The following FOXRED1 variants were observed in gnomAD, a reference collection of about 807,000 sequenced individuals.
FOXRED1 encodes the protein FAD dependent oxidoreductase domain containing 1, also known as FAD-dependent oxidoreductase domain-containing protein 1.
FOXRED1 carries 52 observed loss-of-function variants against 57.8 expected under a neutral mutation model. That is an observed-to-expected ratio of 0.90 (90% confidence interval 0.72 to 1.13). The LOEUF (loss-of-function observed/expected upper bound fraction) is 1.13, where lower values mean the gene tolerates loss of function less well. Ranked by LOEUF, FOXRED1 falls within the 50% of genes most tolerant of loss-of-function variation. The pLI, the probability that FOXRED1 is intolerant of heterozygous loss-of-function variation, is 0.00. For synonymous variants in FOXRED1, 271 were observed against 248.3 expected, an observed-to-expected ratio of 1.09 and a Z score of -0.86; for missense variants, 589 against 625.2, an observed-to-expected ratio of 0.94 and a Z score of 0.62.
Position 126,272,018 on chromosome 11 carries a change from A to T in FOXRED1, c.306+361A>T, listed in dbSNP as rs1304294118. 2.2e-5 allele frequency: 7 copies of T among 322,172 alleles called. No individual in the cohort carries two copies. Among genetic ancestry groups the T allele is most frequent in the Admixed American group, 8.8e-5 (2 of 22,788 alleles). 20.0% of individuals were successfully genotyped at this position (322,172 alleles called of 1,614,324 possible). A position where few individuals can be genotyped will look rare whatever the true frequency, so the allele number is the denominator to read the frequency against. On this transcript the variant is annotated intron_variant, in intron 2 of 10. Transcript: ENST00000263578. This position sits in a 1 kb window ranked among gnomAD's most constrained non-coding sequence, Gnocchi z 4.6. ...GCTCTGTCACCCAGGCTGGAGTGCA[A>T]TGGCACAATCTCAGCTCACTGCAAC...
In FOXRED1 at chr11:126,277,621, G is replaced by A. The variant is rs371684127; in HGVS notation, c.1393G>A (p.Asp465Asn). The change falls in exon 11 of 11, where the codon GAC (aspartate) becomes AAC (asparagine). Residue 465 changes from aspartate to asparagine, a missense_variant. Coordinates refer to ENST00000263578, the MANE Select transcript of FOXRED1 (RefSeq NM_017547.4). This position sits in a 1 kb window ranked among gnomAD's most constrained non-coding sequence, Gnocchi z 6.8. Reference sequence around the variant, plus strand: ...ACTGAAGGGCAGGTTCCAGACCATCGACCTGAGCCCCTTCCTCTTTACCCG... The same window carrying A: ...ACTGAAGGGCAGGTTCCAGACCATCAACCTGAGCCCCTTCCTCTTTACCCG... ...MVLKGRFQTI[D>N]LSPFLFTRFY... 31 of 1,613,520 alleles carry A rather than the reference G, an allele frequency of 1.9e-5. No individual in the cohort carries two copies. In the East Asian group the frequency reaches 3.1e-4, roughly 16 times the overall value.
At chr11:126,269,367 G>A in intron 1 of FOXRED1, 76 bp downstream of exon 1, 1 of 1,611,528 alleles carries the variant, frequency 6.2e-7, no homozygotes. Context: ...TTCAGGACCC[G>A]AAACCATGGC....
Position 126,273,020 on chromosome 11 carries a change from T to C in FOXRED1, c.358T>C (p.Ser120Pro). ...AGTAGGTGGGATTTGTCAGCAGTTC[T>C]CATTGCCTGAGAACATCCAGCTCTC... ...LSVGGICQQF[S>P]LPENIQLSLF... Residue 120 changes from serine to proline, a missense_variant, in exon 3 of 11, where the codon TCA becomes CCA. By Grantham distance (74) the Ser-to-Pro change is moderately conservative (BLOSUM62 -1). Coordinates refer to ENST00000263578, the MANE Select transcript of FOXRED1 (RefSeq NM_017547.4). This position sits in a 1 kb window ranked among gnomAD's most constrained non-coding sequence, Gnocchi z 5.9. The C allele has an allele frequency of 6.2e-7, 1 of 1,609,850 alleles. No individual in the cohort carries two copies.
intron 9 of FOXRED1, 167 bp from the exon 10 acceptor site, chr11:126,276,904 C>A: frequency 1.6e-6 from 1 of 640,330 alleles, no homozygotes. Flanking sequence ...AAAGAATCAG[C>A]CTTTTTTGGG....
In FOXRED1 at chr11:126,274,938, C is replaced by T; in HGVS notation, c.548C>T (p.Ala183Val). 1.2e-6 allele frequency: 2 copies of T among 1,610,420 alleles called. No homozygotes were observed. The highest frequency in any genetic ancestry group is 8.5e-7 in the Non-Finnish European group (1 of 1,176,658). ...CACGTTTATCTCAGGCAGGAGGGAG[C>T]CAAAGTTTCTCTGATGTCTCCTGAT... is the stretch of plus-strand genomic sequence containing the variant. ...SNVKVQRQEG[A>V]KVSLMSPDQL... Residue 183 changes from alanine (A) to valine (V), a missense_variant, in exon 5 of 11, where the codon GCC becomes GTC. By Grantham distance (64) the Ala-to-Val change is moderately conservative (BLOSUM62 0). Coordinates refer to ENST00000263578, the MANE Select transcript of FOXRED1 (RefSeq NM_017547.4). The surrounding 1 kb of genome is among the most constrained non-coding windows in gnomAD (Gnocchi z 4.8).
intron 9 of FOXRED1, 92 bp from the exon 10 acceptor site, chr11:126,276,979 C>T (rs1401959329): frequency 1.2e-6 from 1 of 827,398 alleles, no homozygotes; most frequent in African/African-American, 1.7e-5. Context: ...CCATTTCTCC[C>T]CATCCCCTAC....
In FOXRED1 at chr11:126,275,542, A is replaced by C; in HGVS notation, c.733+114A>C. 1.2e-6 allele frequency: 1 copy of C among 818,722 alleles called. No homozygotes were observed. The highest frequency in any genetic ancestry group is 1.4e-5 in the South Asian group (1 of 71,384). 50.7% of individuals were successfully genotyped at this position (818,722 alleles called of 1,614,324 possible). ...GGGGGAAAGGGGTCTCCCTGAGAGC[A>C]GGTCCTAGGCATCTTGACCTGGGCT... On this transcript the variant is annotated intron_variant, in intron 6 of 10. Coordinates refer to ENST00000263578, the MANE Select transcript of FOXRED1 (RefSeq NM_017547.4). This position sits in a 1 kb window ranked among gnomAD's most constrained non-coding sequence, Gnocchi z 5.9.
In FOXRED1 at chr11:126,271,606, G is replaced by A. The variant is rs940463942; in HGVS notation, c.255G>A (p.Leu85=). 3.7e-6 allele frequency: 6 copies of A among 1,614,050 alleles called. No homozygotes were observed. In the African/African-American group the frequency reaches 6.7e-5, roughly 18 times the overall value. Residue 85 remains leucine (L), a synonymous_variant, in exon 2 of 11, where the codon CTG becomes CTA. Coordinates refer to ENST00000263578, the MANE Select transcript of FOXRED1 (RefSeq NM_017547.4). The surrounding 1 kb of genome is among the most constrained non-coding windows in gnomAD (Gnocchi z 5.3). ...CTGTGGCCTATTGGCTGAAGAAGCTGGAGAGCAGACGAGGTGCTATTCGAG... is the reference window on the plus strand; with the variant it reads ...CTGTGGCCTATTGGCTGAAGAAGCTAGAGAGCAGACGAGGTGCTATTCGAG... ...GLSVAYWLKK[L]ESRRGAIRVL...
In FOXRED1 at chr11:126,275,894, C is replaced by G; in HGVS notation, c.810+24C>G. The G allele has an allele frequency of 6.3e-7, 1 of 1,582,392 alleles. No homozygotes were observed. Among genetic ancestry groups the G allele is most frequent in the Non-Finnish European group, 8.7e-7 (1 of 1,151,238 alleles). On this transcript the variant is annotated intron_variant, in intron 7 of 10. Coordinates refer to ENST00000263578, the MANE Select transcript of FOXRED1 (RefSeq NM_017547.4). The surrounding 1 kb of genome is among the most constrained non-coding windows in gnomAD (Gnocchi z 5.9). Reference sequence around the variant, plus strand: ...ATGTAAGTTTCTAGTCTGTGATGTCCTTTACCAAAATGGAGGGACAGGGAA... The same window carrying G: ...ATGTAAGTTTCTAGTCTGTGATGTCGTTTACCAAAATGGAGGGACAGGGAA...
At position 126,275,370 on chromosome 11, in the gene FOXRED1, G is replaced by T. The variant is rs150562772; in HGVS notation, c.675G>T (p.Gln225His). ...GGTTTGACCCCTGGTGTCTGCTCCA[G>T]GGGCTTCGGCGAAAGGTCCAGTCCT... is the stretch of plus-strand genomic sequence containing the variant. Reference protein sequence around the residue: ...EGWFDPWCLLQGLRRKVQSLG... With the variant: ...EGWFDPWCLLHGLRRKVQSLG... Residue 225 changes from glutamine to histidine, a missense_variant, in exon 6 of 11, where the codon CAG (glutamine) becomes CAT (histidine). Physicochemically the swap from Gln to His is conservative, Grantham distance 24. Coordinates refer to ENST00000263578, the MANE Select transcript of FOXRED1 (RefSeq NM_017547.4). The surrounding 1 kb of genome is among the most constrained non-coding windows in gnomAD (Gnocchi z 5.9). The T allele has an allele frequency of 1.7e-5, 27 of 1,613,906 alleles. No individual in the cohort carries two copies. In the African/African-American group the frequency reaches 3.1e-4, roughly 18 times the overall value.
Position 126,276,137 on chromosome 11 carries a change from C to G in FOXRED1, c.889C>G (p.Gln297Glu). 16 of 1,612,346 alleles carry G rather than the reference C, an allele frequency of 9.9e-6. No homozygotes were observed. Among genetic ancestry groups the G allele is most frequent in the Non-Finnish European group, 1.4e-5 (16 of 1,179,776 alleles). Residue 297 changes from glutamine (Q) to glutamate (E), a missense_variant, in exon 8 of 11, where the codon CAA becomes GAA. Physicochemically the swap from Gln to Glu is conservative, Grantham distance 29 (BLOSUM62 2). Transcript: ENST00000263578. ...CAACGCAGCCGGAGCCTGGTCTGCG[C>G]AAATCGCAGCACTGGCTGGTGTTGG... ...VINAAGAWSA[Q>E]IAALAGVGEG...
intron 1 of FOXRED1, among the ~76,000 whole-genome samples, chr11:126,269,966 G>A (rs1405843302): frequency 2.3e-5 from 3 of 132,550 alleles, no homozygotes; most frequent in South Asian, 2.3e-4. Context: ...CAGCCTGGGC[G>A]ACTTAGCGAA....
Position 126,273,364 on chromosome 11 carries a change from C to T in FOXRED1, c.446C>T (p.Pro149Leu), listed in dbSNP as rs1328741874. Reference sequence around the variant, plus strand: ...TACCTGGCCGTAGTCGATGCTCCTCCCCTGGACCTCCGGTTCAACCCCTCG... The same window carrying T: ...TACCTGGCCGTAGTCGATGCTCCTCTCCTGGACCTCCGGTTCAACCCCTCG... ...NEYLAVVDAPPLDLRFNPSGY... is the reference protein window; with the variant it reads ...NEYLAVVDAPLLDLRFNPSGY... Residue 149 changes from proline to leucine, a missense_variant, in exon 4 of 11, where the codon CCC (proline) becomes CTC (leucine). Transcript: ENST00000263578. This position sits in a 1 kb window ranked among gnomAD's most constrained non-coding sequence, Gnocchi z 5.9. The T allele has an allele frequency of 3.1e-6, 5 of 1,613,878 alleles. No individual in the cohort carries two copies. Among genetic ancestry groups the T allele is most frequent in the South Asian group, 1.1e-5 (1 of 91,084 alleles).
Position 126,272,677 on chromosome 11 carries a change from C to T in FOXRED1, c.307-292C>T. ...ACTTCAATCATAACCTTTCATTTCC[C>T]AAATGGTAGGTCAAACGTTAATCGC... On this transcript the variant is annotated intron_variant, in intron 2 of 10. Transcript: ENST00000263578. This position sits in a 1 kb window ranked among gnomAD's most constrained non-coding sequence, Gnocchi z 4.6. 12 of 502,836 alleles carry T rather than the reference C, an allele frequency of 2.4e-5. No homozygotes were observed. In the South Asian group the frequency reaches 2.5e-4, roughly 11 times the overall value. 31.1% of individuals were successfully genotyped at this position (502,836 alleles called of 1,614,324 possible).
Position 126,277,912 on chromosome 11 carries a change from C to G in FOXRED1, c.*223C>G, listed in dbSNP as rs1951202043. 3 of 679,086 alleles carry G rather than the reference C, an allele frequency of 4.4e-6. No individual in the cohort carries two copies. In the South Asian group the frequency reaches 4.5e-5, roughly 10 times the overall value. The allele number at this position is 679,086 out of a possible 1,614,324, so 42.1% of individuals were successfully genotyped here. A position where few individuals can be genotyped will look rare whatever the true frequency, so the allele number is the denominator to read the frequency against. Reference sequence around the variant, plus strand: ...GGGATCCTAGGACTGATCTGTAGCCCATGCTGATGTCACCCACCAGGGCAA... The same window carrying G: ...GGGATCCTAGGACTGATCTGTAGCCGATGCTGATGTCACCCACCAGGGCAA... On this transcript the variant is annotated 3_prime_UTR_variant, in exon 11 of 11. Transcript: ENST00000263578. This position sits in a 1 kb window ranked among gnomAD's most constrained non-coding sequence, Gnocchi z 6.8.
In FOXRED1 at chr11:126,272,203, C is replaced by G. The variant is rs888527881; in HGVS notation, c.306+546C>G. On this transcript the variant is annotated intron_variant, in intron 2 of 10. Transcript: ENST00000263578. This position sits in a 1 kb window ranked among gnomAD's most constrained non-coding sequence, Gnocchi z 4.6. ...TCTTGAACTCCGAACCTCAAGTGAT[C>G]TGCCCGCCTTGGCTTCTCAAAGTGC... is the stretch of plus-strand genomic sequence containing the variant. Among the ~76,000 whole-genome samples the G allele has an allele frequency of 2.0e-5, 3 of 152,214 alleles. No homozygotes were observed. Among genetic ancestry groups the G allele is most frequent in the African/African-American group, 7.2e-5 (3 of 41,436 alleles).
chr11:126,277,684 A>G lies in FOXRED1; in HGVS notation c.1456A>G (p.Ile486Val), dbSNP rs749695751. The G allele has an allele frequency of 2.5e-6, 4 of 1,613,528 alleles. No homozygotes were observed. In the South Asian group the frequency reaches 3.3e-5, roughly 13 times the overall value. Residue 486 changes from isoleucine to valine, a missense_variant, in exon 11 of 11, where the codon ATC (isoleucine) becomes GTC (valine). Ile to Val is a conservative substitution (Grantham distance 29). Transcript: ENST00000263578. This position sits in a 1 kb window ranked among gnomAD's most constrained non-coding sequence, Gnocchi z 6.8. ...LGEKIQENNI[I>V] ...AGAGAAGATCCAGGAGAACAACATC[A>G]TCTGAGCATGTGTGCTCTGCACTGG...
chr11:126,277,416 G>T lies in FOXRED1; in HGVS notation c.1207-19G>T. ...GGCTACAGCCTTCCCGAGAACCCCAGTGTTTTGTGCACCCGCAGGTTCAGA... is the reference window on the plus strand; with the variant it reads ...GGCTACAGCCTTCCCGAGAACCCCATTGTTTTGTGCACCCGCAGGTTCAGA... On this transcript the variant is annotated intron_variant, in intron 10 of 10. Transcript: ENST00000263578. This position sits in a 1 kb window ranked among gnomAD's most constrained non-coding sequence, Gnocchi z 6.8. The T allele has an allele frequency of 1.2e-6, 2 of 1,612,768 alleles. No homozygotes were observed. Among genetic ancestry groups the T allele is most frequent in the Non-Finnish European group, 1.7e-6 (2 of 1,179,838 alleles).
intron 7 of FOXRED1, 32 bp from the exon 8 acceptor site, chr11:126,276,027 C>G: frequency 3.1e-6 from 5 of 1,612,600 alleles, no homozygotes; most frequent in Non-Finnish European, 4.2e-6. Context: ...GTGGTCCGGG[C>G]CTTCCCACTC....
Sources: allele counts gnomAD v4.1 joint callset (sites outside exome capture counted in the v4.1 genomes callset), GRCh38; gene constraint gnomAD v4.1.1; non-coding constraint Gnocchi (gnomAD v3.1); transcripts MANE v1.5; gene names NCBI Gene and HGNC (gene_info 2026-07-23, HGNC 2026-07-21).